Variants in AFF3 observed in about 807,000 individuals in gnomAD.
The protein encoded by AFF3 is ALF transcription elongation factor 3, also known as AF4/FMR2 family member 3.
Under a neutral mutation model 129.7 loss-of-function variants are expected in AFF3, and 32 were observed. That is an observed-to-expected ratio of 0.25 (90% CI 0.19 to 0.33). AFF3 has a LOEUF of 0.33. AFF3 is among the 10% of genes least tolerant of loss of function. The pLI is 1.00. For synonymous variants in AFF3, 644 were observed against 635.4 expected (o/e 1.01, Z -0.20); for missense variants, 1,373 against 1,592.0 (o/e 0.86, Z 2.34).
chr2:99,721,206 T>C (rs1678858862), intron 11 of AFF3, among the ~76,000 whole-genome samples: 1 of 152,184 alleles, frequency 6.6e-6, no homozygotes, highest in African/African-American at 2.4e-5. Context: ...GTCTTTATTT[T>C]ACTGTCAATT....
chr2:99,561,559 G>A (rs542234844), intron 20 of AFF3, among the ~76,000 whole-genome samples: 5 of 152,102 alleles, frequency 3.3e-5, no homozygotes, highest in African/African-American at 1.2e-4. Flanking sequence ...GTTTTGTTTT[G>A]TAGCAGTGGG....
chr2:99,637,475 T>C (rs998976776), intron 13 of AFF3, among the ~76,000 whole-genome samples: 2 of 152,176 alleles, frequency 1.3e-5, no homozygotes, highest in African/African-American at 4.8e-5. Context: ...TGCGTTTGGA[T>C]TGCTTTTGAG....
chr2:100,040,798 A>G (rs1023997954), intron 4 of AFF3, among the ~76,000 whole-genome samples: 3 of 152,260 alleles, frequency 2.0e-5, no homozygotes, highest in Non-Finnish European at 2.9e-5. Context: ...GACTGGCTGG[A>G]AAGTCATGCT....
At chr2:99,899,934 T>G (rs911455343) in intron 7 of AFF3, among the ~76,000 whole-genome samples, 2 of 152,240 alleles carry the variant, frequency 1.3e-5, no homozygotes, top group African/African-American at 4.8e-5. Flanking sequence ...AAAATCAGGA[T>G]GGTGTGCACT....
chr2:100,017,705 T>C (rs1411217982), intron 4 of AFF3, among the ~76,000 whole-genome samples: 1 of 152,220 alleles, frequency 6.6e-6, no homozygotes, highest in Non-Finnish European at 1.5e-5. Flanking sequence ...AATTACTGCA[T>C]TTAAAACCCC....
intron 4 of AFF3, among the ~76,000 whole-genome samples, chr2:100,083,728 C>T (rs534778987): frequency 6.6e-6 from 1 of 152,004 alleles, no homozygotes; most frequent in African/African-American, 2.4e-5. Context: ...AAGAAAGGAA[C>T]AGAAATGCAG....
chr2:99,627,431 T>C (rs193120239), intron 13 of AFF3, among the ~76,000 whole-genome samples: 3 of 151,590 alleles, frequency 2.0e-5, no homozygotes, highest in Admixed American at 6.6e-5. Flanking sequence ...GTTGTTTTTT[T>C]CTTGTAAATT....
At chr2:99,555,876 C>T (rs528776735) in intron 22 of AFF3, among the ~76,000 whole-genome samples, 4 of 152,254 alleles carry the variant, frequency 2.6e-5, no homozygotes, top group South Asian at 2.1e-4. Flanking sequence ...AGGACAACAC[C>T]GCAAACCATG....
chr2:99,635,126 G>A (rs1683518737), intron 13 of AFF3, among the ~76,000 whole-genome samples: 1 of 150,066 alleles, frequency 6.7e-6, no homozygotes, highest in Non-Finnish European at 1.5e-5. Flanking sequence ...ATATCTCTAG[G>A]TATATGATAT....
At chr2:100,053,656 T>C (rs1048465262) in intron 4 of AFF3, among the ~76,000 whole-genome samples, 6 of 152,140 alleles carry the variant, frequency 3.9e-5, no homozygotes, top group Non-Finnish European at 8.8e-5. Flanking sequence ...GGCTGAATCA[T>C]CTGCTGATTC....
intron 7 of AFF3, among the ~76,000 whole-genome samples, chr2:99,911,068 C>T (rs940882757): frequency 6.6e-6 from 1 of 152,166 alleles, no homozygotes; most frequent in Admixed American, 6.5e-5. Context: ...GCACACATGC[C>T]GTATAATAAC....
At chr2:99,745,440 C>A (rs1238979520) in intron 9 of AFF3, among the ~76,000 whole-genome samples, 1 of 152,076 alleles carries the variant, frequency 6.6e-6, no homozygotes, top group East Asian at 1.9e-4. Flanking sequence ...GTTGCTCATG[C>A]TTTTGGTGTC....
chr2:99,675,702 C>T (rs896465713), intron 11 of AFF3, among the ~76,000 whole-genome samples: 3 of 152,152 alleles, frequency 2.0e-5, no homozygotes, highest in South Asian at 2.1e-4. Flanking sequence ...AGAGAAAACC[C>T]GTGACACTCA....
At chr2:99,586,575 T>C (rs142661371) in intron 16 of AFF3, among the ~76,000 whole-genome samples, 1 of 152,340 alleles carries the variant, frequency 6.6e-6, no homozygotes, top group Non-Finnish European at 1.5e-5. Flanking sequence ...GATAAGCTAC[T>C]TGTTTCTAAT....
intron 4 of AFF3, among the ~76,000 whole-genome samples, chr2:100,052,674 A>C (rs1159177575): frequency 1.3e-5 from 2 of 152,136 alleles, no homozygotes; most frequent in African/African-American, 4.8e-5. Flanking sequence ...ATTGTGATTC[A>C]ACTTGGTGGG....
intron 8 of AFF3, among the ~76,000 whole-genome samples, chr2:99,769,470 G>A (rs1045250957): frequency 6.6e-6 from 1 of 152,162 alleles, no homozygotes; most frequent in Non-Finnish European, 1.5e-5. Flanking sequence ...ACATACCTCT[G>A]TTTCTCCAGA....
At chr2:99,686,620 C>A (rs1017022601) in intron 11 of AFF3, among the ~76,000 whole-genome samples, 2 of 152,148 alleles carry the variant, frequency 1.3e-5, no homozygotes, top group African/African-American at 4.8e-5. Context: ...CAAAAAAATA[C>A]AAATAAACAA....
At chr2:99,658,099 G>A (rs147642002) in intron 12 of AFF3, among the ~76,000 whole-genome samples, 4 of 152,294 alleles carry the variant, frequency 2.6e-5, no homozygotes, top group South Asian at 4.2e-4. Context: ...AAATGAAAAC[G>A]AAGGCAGATG....
chr2:99,585,337 T>C (rs921484790), intron 16 of AFF3, among the ~76,000 whole-genome samples: 3 of 152,232 alleles, frequency 2.0e-5, no homozygotes, highest in South Asian at 4.1e-4. Context: ...TTTGGAGCTC[T>C]TCTTTGAAAT....
Sources: gnomAD v4.1 joint callset for allele counts (sites outside exome capture counted in the v4.1 genomes callset) on GRCh38, gnomAD v4.1.1 for gene constraint, MANE v1.5 for transcripts, NCBI Gene and HGNC (gene_info 2026-07-23, HGNC 2026-07-21) for gene names.